Variants in ST8SIA4 observed in about 807,000 individuals in gnomAD.
ST8SIA4 encodes the protein CMP-N-acetylneuraminate-poly-alpha-2,8-sialyltransferase.
Under a neutral mutation model 33.9 loss-of-function variants are expected in ST8SIA4, and 15 were observed. The observed-to-expected ratio is 0.44, with a 90% CI of 0.30 to 0.68. ST8SIA4 has a LOEUF of 0.68. ST8SIA4 is among the 30% of genes least tolerant of loss of function. The pLI is 0.10. For synonymous variants in ST8SIA4, 171 were observed against 151.2 expected (o/e 1.13, Z -0.96); for missense variants, 321 against 428.0 (o/e 0.75, Z 2.21).
chr5:100,854,475 T>G (rs942045825), intron 4 of ST8SIA4, among the ~76,000 whole-genome samples: 31 of 151,782 alleles, frequency 2.0e-4, no homozygotes, highest in African/African-American at 7.5e-4. Context: ...CCCAGCTACT[T>G]GGGAGGCTGA....
chr5:100,883,075 C>T (rs1265694745), intron 3 of ST8SIA4, among the ~76,000 whole-genome samples: 1 of 152,170 alleles, frequency 6.6e-6, no homozygotes, highest in East Asian at 1.9e-4. Flanking sequence ...ATGGTAGATG[C>T]ACAGACAGCT....
intron 4 of ST8SIA4, among the ~76,000 whole-genome samples, chr5:100,850,642 G>A (rs1751671741): frequency 6.6e-6 from 1 of 151,644 alleles, no homozygotes; most frequent in Non-Finnish European, 1.5e-5. Flanking sequence ...TAAAATATCT[G>A]AATACAGATA....
At chr5:100,836,759 A>C (rs1340433675) in intron 4 of ST8SIA4, among the ~76,000 whole-genome samples, 1 of 152,020 alleles carries the variant, frequency 6.6e-6, no homozygotes, top group Non-Finnish European at 1.5e-5. Flanking sequence ...TTCTAAAAGC[A>C]TTATCTCCAG....
At chr5:100,892,073 G>T (rs868360547) in intron 2 of ST8SIA4, among the ~76,000 whole-genome samples, 1 of 151,910 alleles carries the variant, frequency 6.6e-6, no homozygotes, top group Non-Finnish European at 1.5e-5. Flanking sequence ...TTCTAATTAT[G>T]ATGTGATAAA....
At chr5:100,902,052 C>G (rs1052798134) in intron 1 of ST8SIA4, among the ~76,000 whole-genome samples, 1 of 152,280 alleles carries the variant, frequency 6.6e-6, no homozygotes, top group Non-Finnish European at 1.5e-5. Flanking sequence ...TCAGAAAAAG[C>G]CTTCCAAGCT....
At chr5:100,818,851 C>G (rs1750983312) in intron 4 of ST8SIA4, among the ~76,000 whole-genome samples, 1 of 152,074 alleles carries the variant, frequency 6.6e-6, no homozygotes, top group South Asian at 2.1e-4. Context: ...CTATTCAGTA[C>G]CGATGTATGT....
chr5:100,892,119 A>G (rs1752683618), intron 2 of ST8SIA4, among the ~76,000 whole-genome samples: 1 of 152,094 alleles, frequency 6.6e-6, no homozygotes, highest in South Asian at 2.1e-4. Context: ...ATTTCTATAC[A>G]TCTATAATTG....
At chr5:100,841,024 A>G (rs559372702) in intron 4 of ST8SIA4, among the ~76,000 whole-genome samples, 1 of 151,982 alleles carries the variant, frequency 6.6e-6, no homozygotes, top group South Asian at 2.1e-4. Flanking sequence ...AAGTTAAATG[A>G]GAAAGCCAAA....
In ST8SIA4 at chr5:100,902,998, C is replaced by T; in HGVS notation, c.-43G>A. The T allele has an allele frequency of 1.4e-6, 2 of 1,430,994 alleles. No homozygotes were observed. Among genetic ancestry groups the T allele is most frequent in the South Asian group, 1.1e-5 (1 of 87,358 alleles). 88.6% of individuals were successfully genotyped at this position (1,430,994 alleles called of 1,614,324 possible). On this transcript the variant is annotated 5_prime_UTR_variant, in exon 1 of 5. Coordinates refer to ENST00000231461, the MANE Select transcript of ST8SIA4 (RefSeq NM_005668.6). ...GTCCTGGTTGCCCCAGCTCCCGCAC[C>T]TTCTCTTGATATAAAGGCTCCGTTT...
intron 2 of ST8SIA4, among the ~76,000 whole-genome samples, chr5:100,893,008 T>TAAATAA (rs1178128624): frequency 6.6e-6 from 1 of 151,838 alleles, no homozygotes; most frequent in African/African-American, 2.4e-5. Context: ...AAATAAAAAA[T>TAAATAA]AAATAAAAAT....
chr5:100,870,092 C>T (rs753556453), intron 3 of ST8SIA4, among the ~76,000 whole-genome samples: 3 of 152,094 alleles, frequency 2.0e-5, no homozygotes, highest in Admixed American at 1.3e-4. Flanking sequence ...TGAGAACATG[C>T]GGAGTTTGGT....
In ST8SIA4 at chr5:100,903,050, C is replaced by A; in HGVS notation, c.-95G>T. ...GGGGAGATAGTCGCGGGGGTGAAAT[C>A]TGTAAAATGCGAGGAGAGCTTGGAG... On this transcript the variant is annotated 5_prime_UTR_variant, in exon 1 of 5. Coordinates refer to ENST00000231461, the MANE Select transcript of ST8SIA4 (RefSeq NM_005668.6). The A allele has an allele frequency of 1.2e-6, 1 of 858,664 alleles. No homozygotes were observed. The highest frequency in any genetic ancestry group is 1.9e-6 in the Non-Finnish European group (1 of 523,278). The allele number at this position is 858,664 out of a possible 1,614,324, so 53.2% of individuals were successfully genotyped here.
At chr5:100,899,405 G>T (rs1475838369) in intron 1 of ST8SIA4, among the ~76,000 whole-genome samples, 1 of 152,212 alleles carries the variant, frequency 6.6e-6, no homozygotes, top group Non-Finnish European at 1.5e-5. Context: ...TCACGAGGTT[G>T]TGTTTCATCC....
chr5:100,844,898 G>C (rs1467442744), intron 4 of ST8SIA4, among the ~76,000 whole-genome samples: 1 of 152,042 alleles, frequency 6.6e-6, no homozygotes, highest in Non-Finnish European at 1.5e-5. Flanking sequence ...AAACAGAAAT[G>C]ACTCTTTCTT....
chr5:100,863,860 A>T (rs923986133), intron 3 of ST8SIA4, among the ~76,000 whole-genome samples: 7 of 152,238 alleles, frequency 4.6e-5, no homozygotes, highest in African/African-American at 1.7e-4. Context: ...GCTACGGACA[A>T]GTGGTAAGGA....
intron 3 of ST8SIA4, among the ~76,000 whole-genome samples, chr5:100,857,882 A>G (rs1580466033): frequency 1.3e-5 from 2 of 152,180 alleles, no homozygotes; most frequent in African/African-American, 4.8e-5. Context: ...TTTAGAAAGT[A>G]TAAAGATTAT....
intron 4 of ST8SIA4, among the ~76,000 whole-genome samples, chr5:100,850,513 T>A (rs938568583): frequency 6.6e-6 from 1 of 151,888 alleles, no homozygotes; most frequent in Admixed American, 6.6e-5. Context: ...CATTTTGGGT[T>A]TAAATCTTTT....
chr5:100,848,773 T>G (rs992531643), intron 4 of ST8SIA4, among the ~76,000 whole-genome samples: 12 of 150,800 alleles, frequency 8.0e-5, no homozygotes, highest in Non-Finnish European at 1.6e-4. Context: ...TTAAAAAAAT[T>G]AATAATTGCA....
At chr5:100,872,753 C>T (rs1323490567) in intron 3 of ST8SIA4, among the ~76,000 whole-genome samples, 3 of 151,842 alleles carry the variant, frequency 2.0e-5, no homozygotes, top group South Asian at 4.1e-4. Context: ...TTATAAATTA[C>T]CCAGTCTTGG....
Sources: gnomAD v4.1 joint callset for allele counts (sites outside exome capture counted in the v4.1 genomes callset) on GRCh38, gnomAD v4.1.1 for gene constraint, MANE v1.5 for transcripts, NCBI Gene and HGNC (gene_info 2026-07-23, HGNC 2026-07-21) for gene names.